Variants in MALT1 observed in about 807,000 individuals in gnomAD.
The protein encoded by MALT1 is MALT1 paracaspase, also known as mucosa-associated lymphoid tissue lymphoma translocation protein 1.
MALT1 carries 36 observed loss-of-function variants against 85.5 expected under a neutral mutation model. That is an observed-to-expected ratio of 0.42 (90% confidence interval 0.32 to 0.56). The LOEUF (loss-of-function observed/expected upper bound fraction) is 0.56, where lower values mean the gene tolerates loss of function less well. Ranked by LOEUF, MALT1 falls within the 20% of genes least tolerant of loss-of-function variation. The probability of loss-of-function intolerance (pLI) is 0.10; values close to 1 mark genes in which losing one functional copy is unlikely to be tolerated. For missense variants in MALT1, 716 were observed against 981.6 expected, an observed-to-expected ratio of 0.73 and a Z score of 3.62; for synonymous variants, 359 against 361.3, an observed-to-expected ratio of 0.99 and a Z score of 0.07.
intron 4 of MALT1, among the ~76,000 whole-genome samples, chr18:58,706,452 GC>G (rs1316268982): frequency 2.0e-5 from 3 of 152,164 alleles, no homozygotes; most frequent in Non-Finnish European, 4.4e-5. Flanking sequence ...ACCGCGCCCA[GC>G]CCACGTGTGT....
chr18:58,674,418 A>G (rs559745634), intron 1 of MALT1, among the ~76,000 whole-genome samples: 8 of 152,292 alleles, frequency 5.3e-5, no homozygotes, highest in Non-Finnish European at 1.2e-4. Context: ...TGGGGTGGGA[A>G]GTCTGATGAG....
intron 7 of MALT1, among the ~76,000 whole-genome samples, 182 bp downstream of exon 7, chr18:58,711,135 A>AT (rs1024170280): frequency 5.9e-5 from 9 of 152,262 alleles, no homozygotes; most frequent in African/African-American, 2.2e-4. Context: ...ACATGATTAA[A>AT]TTGACACAGT....
chr18:58,702,410 A>G (rs1219384080), intron 4 of MALT1, among the ~76,000 whole-genome samples: 1 of 152,100 alleles, frequency 6.6e-6, no homozygotes. Flanking sequence ...AAACATTGTG[A>G]AACTAACATC....
At chr18:58,728,916 G>A (rs911125850) in intron 10 of MALT1, among the ~76,000 whole-genome samples, 7 of 152,104 alleles carry the variant, frequency 4.6e-5, no homozygotes, top group East Asian at 1.9e-4. Flanking sequence ...GGAGCCAGAC[G>A]TATTACCTGA....
At chr18:58,740,253 A>T (rs1049866465) in intron 13 of MALT1, among the ~76,000 whole-genome samples, 1 of 152,044 alleles carries the variant, frequency 6.6e-6, no homozygotes, top group Non-Finnish European at 1.5e-5. Context: ...GCTTTTGCCA[A>T]TTGTGCTATT....
At chr18:58,721,380 CA>C (rs201016394) in intron 9 of MALT1, among the ~76,000 whole-genome samples, 1 of 151,570 alleles carries the variant, frequency 6.6e-6, no homozygotes, top group South Asian at 2.1e-4. Context: ...AACTCCGTCT[CA>C]AAAAAAAGGA....
chr18:58,700,034 G>A (rs1212197965), intron 3 of MALT1, among the ~76,000 whole-genome samples: 1 of 152,232 alleles, frequency 6.6e-6, no homozygotes, highest in African/African-American at 2.4e-5. Flanking sequence ...GGTCAGAGCT[G>A]AAAGCAATAG....
chr18:58,681,558 A>C (rs2054322581), intron 2 of MALT1, among the ~76,000 whole-genome samples: 1 of 152,220 alleles, frequency 6.6e-6, no homozygotes, highest in African/African-American at 2.4e-5. Context: ...TAGTTGGAAA[A>C]ATTTGAATGT....
Position 58,747,944 on chromosome 18 carries a change from A to AGAAAGAAT in MALT1, c.*103_*110dup. 1.2e-6 allele frequency: 1 copy of AGAAAGAAT among 823,434 alleles called. No homozygotes were observed. Among genetic ancestry groups the AGAAAGAAT allele is most frequent in the Non-Finnish European group, 2.0e-6 (1 of 510,144 alleles). 51.0% of individuals were successfully genotyped at this position (823,434 alleles called of 1,614,324 possible). ...TGAAAAGGCAAATTTGTATATGTAG[A>AGAAAGAAT]GAAAGAATAGTAGTAACTGTTTCAT... is the stretch of plus-strand genomic sequence containing the variant. On this transcript the variant is annotated 3_prime_UTR_variant, in exon 17 of 17. Transcript: ENST00000649217.
chr18:58,702,750 G>C (rs1372544397), intron 4 of MALT1, among the ~76,000 whole-genome samples: 1 of 152,166 alleles, frequency 6.6e-6, no homozygotes, highest in African/African-American at 2.4e-5. Context: ...AGCACTAAAG[G>C]CCATGTAGTG....
intron 3 of MALT1, 58 bp downstream of exon 3, chr18:58,696,545 A>G: frequency 7.4e-7 from 1 of 1,345,376 alleles, no homozygotes; most frequent in South Asian, 1.5e-5. Context: ...TAGAGAATTA[A>G]TTAACATTAT....
chr18:58,708,517 C>G (rs761450019), intron 4 of MALT1, among the ~76,000 whole-genome samples: 26 of 152,282 alleles, frequency 1.7e-4, no homozygotes, highest in Non-Finnish European at 3.2e-4. Flanking sequence ...CTTGTCAACT[C>G]AGTTCTAAAG....
At chr18:58,744,211 T>C in intron 14 of MALT1, 127 bp from the exon 15 acceptor site, 1 of 519,824 alleles carries the variant, frequency 1.9e-6, no homozygotes, top group East Asian at 3.1e-5. Flanking sequence ...TTTTTTAAAT[T>C]GTATGTGTTT....
chr18:58,735,979 T>C lies in MALT1; in HGVS notation c.1603+650T>C, dbSNP rs1479089023. On this transcript the variant is annotated intron_variant, in intron 13 of 16. Transcript: ENST00000649217. Reference sequence around the variant, plus strand: ...CTGTGTTTTTTGAAAAAACATTTTATAAGCCATAGCAAAAAGAAGGTAACT... The same window carrying C: ...CTGTGTTTTTTGAAAAAACATTTTACAAGCCATAGCAAAAAGAAGGTAACT... Among the ~76,000 whole-genome samples, 6 of 152,202 alleles carry C rather than the reference T, an allele frequency of 3.9e-5. No individual in the cohort carries two copies. In the East Asian group the frequency reaches 7.7e-4, roughly 20 times the overall value.
intron 15 of MALT1, 25 bp from the exon 16 acceptor site, chr18:58,745,641 C>T: frequency 6.3e-7 from 1 of 1,582,234 alleles, no homozygotes; most frequent in Admixed American, 1.7e-5. Flanking sequence ...TCATTATTAA[C>T]AGTCCCTAAT....
At chr18:58,727,616 G>GTTGTTTTTTTTTTTTTT (rs2055077320) in intron 10 of MALT1, among the ~76,000 whole-genome samples, 1 of 121,264 alleles carries the variant, frequency 8.2e-6, no homozygotes, top group African/African-American at 3.3e-5. Context: ...GGTTTTTTGT[G>GTTGTTTTTTTTTTTTTT]TTTTTTTTTT....
intron 10 of MALT1, among the ~76,000 whole-genome samples, chr18:58,725,015 A>G (rs1249253004): frequency 1.3e-5 from 2 of 151,956 alleles, no homozygotes; most frequent in African/African-American, 4.8e-5. Flanking sequence ...CTGTAATCCC[A>G]GCTACTCAAG....
At chr18:58,700,038 G>A (rs1231864213) in intron 3 of MALT1, among the ~76,000 whole-genome samples, 19 of 152,222 alleles carry the variant, frequency 1.2e-4, no homozygotes, top group African/African-American at 7.2e-5. Context: ...AGAGCTGAAA[G>A]CAATAGCCAA....
At chr18:58,674,687 G>A (rs1196290678) in intron 1 of MALT1, among the ~76,000 whole-genome samples, 1 of 152,208 alleles carries the variant, frequency 6.6e-6, no homozygotes, top group Non-Finnish European at 1.5e-5. Context: ...GAGAAGATCT[G>A]TGATACTAGA....
Sources: allele counts gnomAD v4.1 joint callset (sites outside exome capture counted in the v4.1 genomes callset), GRCh38; gene constraint gnomAD v4.1.1; transcripts MANE v1.5; gene names NCBI Gene and HGNC (gene_info 2026-07-23, HGNC 2026-07-21).